Variants in PRKN observed in about 807,000 individuals in gnomAD.
The protein encoded by PRKN is E3 ubiquitin-protein ligase parkin.
A neutral mutation model predicts 59.5 loss-of-function variants in PRKN; 56 were observed. The ratio of observed to expected loss-of-function variants is 0.94; its 90% CI spans 0.76 to 1.18. PRKN has a LOEUF of 1.18. PRKN is among the 50% of genes most tolerant of loss of function. The pLI, the probability that PRKN is intolerant of heterozygous loss-of-function variation, is 0.00. For synonymous variants in PRKN, 250 were observed against 222.1 expected, an observed-to-expected ratio of 1.13 and a Z score of -1.12; for missense variants, 657 against 596.4, an observed-to-expected ratio of 1.10 and a Z score of -1.06.
chr6:161,362,994 C>G lies in PRKN; in HGVS notation c.1168-2789G>C, dbSNP rs913677705. 1.3e-5 allele frequency among the ~76,000 whole-genome samples: 2 copies of G among 152,186 alleles called. No homozygotes were observed. Among genetic ancestry groups the G allele is most frequent in the African/African-American group, 4.8e-5 (2 of 41,430 alleles). On this transcript the variant is annotated intron_variant, in intron 10 of 11. Coordinates refer to ENST00000366898, the MANE Select transcript of PRKN (RefSeq NM_004562.3). The surrounding 1 kb of genome is among the most constrained non-coding windows in gnomAD (Gnocchi z 5.2). ...TGGTGGCTCACACCTGTAATCCCAG[C>G]ACTTTGGGAGGCTGAGGCAGGTGGA...
intron 6 of PRKN, among the ~76,000 whole-genome samples, chr6:161,873,811 G>GC (rs201207740): frequency 0.037 from 5,526 of 147,506 alleles, 352 homozygotes; most frequent in African/African-American, 0.13. Context: ...TTTCCTAGAG[G>GC]CTTGCGATTA....
intron 1 of PRKN, among the ~76,000 whole-genome samples, chr6:162,487,434 C>A (rs1318972809): frequency 2.0e-5 from 3 of 152,202 alleles, no homozygotes; most frequent in African/African-American, 7.2e-5. Context: ...CCAGGAGAGC[C>A]TGCACGCGTG....
At chr6:162,603,449 C>T (rs886523444) in intron 1 of PRKN, among the ~76,000 whole-genome samples, 21 of 152,160 alleles carry the variant, frequency 1.4e-4, no homozygotes, top group African/African-American at 2.9e-4. Flanking sequence ...CAGTCCCACC[C>T]GTTCATTTAC....
At chr6:162,316,070 T>A (rs1209029077) in intron 2 of PRKN, among the ~76,000 whole-genome samples, 2 of 152,028 alleles carry the variant, frequency 1.3e-5, no homozygotes, top group African/African-American at 4.8e-5. Flanking sequence ...TCAGGTTCTA[T>A]GATGTCCTGG....
chr6:162,707,576 ATTTT>A (rs11353881), intron 1 of PRKN, among the ~76,000 whole-genome samples: 1 of 140,596 alleles, frequency 7.1e-6, no homozygotes, highest in Non-Finnish European at 1.5e-5. Context: ...CAGCATCACT[ATTTT>A]TTTTTTTTTT....
chr6:162,098,556 A>T (rs1467675969), intron 4 of PRKN, among the ~76,000 whole-genome samples: 1 of 152,212 alleles, frequency 6.6e-6, no homozygotes, highest in East Asian at 1.9e-4. Flanking sequence ...TACATCTCTC[A>T]ATATCTTCAT....
Position 162,723,143 on chromosome 6 carries a change from A to G in PRKN, c.7+4519T>C, listed in dbSNP as rs1024863984. On this transcript the variant is annotated intron_variant, in intron 1 of 11. Transcript: ENST00000366898. ...GCCAAATGGTGAAGTCGGAATATAC[A>G]TTCCTGATGGCAAGGGACTTTTTCT... 2.7e-4 allele frequency among the ~76,000 whole-genome samples: 41 copies of G among 152,314 alleles called. 1 individual carries two copies. Among genetic ancestry groups the G allele is most frequent in the Admixed American group, 2.0e-3 (30 of 15,276 alleles).
chr6:162,223,141 GAA>G (rs1486536159), intron 3 of PRKN, among the ~76,000 whole-genome samples: 2 of 151,868 alleles, frequency 1.3e-5, no homozygotes, highest in Admixed American at 1.3e-4. Context: ...AGTTTACTGA[GAA>G]TGATGATTTC....
At chr6:161,916,040 G>T (rs535063126) in intron 6 of PRKN, among the ~76,000 whole-genome samples, 1 of 152,166 alleles carries the variant, frequency 6.6e-6, no homozygotes, top group Non-Finnish European at 1.5e-5. Context: ...TGAAAAAAAA[G>T]CATTATCCCT....
chr6:161,675,312 G>T (rs1299720313), intron 7 of PRKN, among the ~76,000 whole-genome samples: 1 of 152,146 alleles, frequency 6.6e-6, no homozygotes, highest in African/African-American at 2.4e-5. Context: ...ACTAACTACG[G>T]TCACATAAGG....
chr6:161,734,605 A>G (rs1787889735), intron 7 of PRKN, among the ~76,000 whole-genome samples: 2 of 152,162 alleles, frequency 1.3e-5, no homozygotes, highest in Admixed American at 6.5e-5. Flanking sequence ...GGCAATAGAA[A>G]ATGAATACAG....
chr6:162,487,828 C>T (rs1422787501), intron 1 of PRKN, among the ~76,000 whole-genome samples: 2 of 152,118 alleles, frequency 1.3e-5, no homozygotes, highest in East Asian at 3.9e-4. Context: ...CTAATCCCAA[C>T]ACTTTGGGAG....
At position 161,401,468 on chromosome 6, in the gene PRKN, C is replaced by T. The variant is rs757092625; in HGVS notation, c.1084-14591G>A. On this transcript the variant is annotated intron_variant, in intron 9 of 11. Coordinates refer to ENST00000366898, the MANE Select transcript of PRKN (RefSeq NM_004562.3). This position sits in a 1 kb window ranked among gnomAD's most constrained non-coding sequence, Gnocchi z 4.4. ...TCTACTAAAAATACAAAAACGTTAG[C>T]TGGGCGTGGTGGTGGACGCCTGTAA... is the stretch of plus-strand genomic sequence containing the variant. Among the ~76,000 whole-genome samples, 1 of 152,008 alleles carries T rather than the reference C, an allele frequency of 6.6e-6. No individual in the cohort carries two copies. The highest frequency in any genetic ancestry group is 1.5e-5 in the Non-Finnish European group (1 of 68,016).
At chr6:162,447,138 T>C (rs972111424) in intron 1 of PRKN, among the ~76,000 whole-genome samples, 13 of 152,202 alleles carry the variant, frequency 8.5e-5, no homozygotes, top group African/African-American at 3.1e-4. Flanking sequence ...CCTATCCTCC[T>C]AGTGCTGGGC....
rs1781747580 is a variant in PRKN, at chr6:161,592,128, T to C, written c.872-22712A>G. On this transcript the variant is annotated intron_variant, in intron 7 of 11. Coordinates refer to ENST00000366898, the MANE Select transcript of PRKN (RefSeq NM_004562.3). The surrounding 1 kb of genome is among the most constrained non-coding windows in gnomAD (Gnocchi z 4.8). ...ATAGTTGTTATATTGCAATTTTATT[T>C]GTATTATTTTTATCGTTGTGTCATT... Among the ~76,000 whole-genome samples the C allele has an allele frequency of 6.6e-6, 1 of 152,228 alleles. No homozygotes were observed. Among genetic ancestry groups the C allele is most frequent in the Non-Finnish European group, 1.5e-5 (1 of 68,036 alleles).
chr6:161,455,088 G>C (rs546524428), intron 9 of PRKN, among the ~76,000 whole-genome samples: 59 of 151,510 alleles, frequency 3.9e-4, no homozygotes, highest in Middle Eastern at 3.4e-3. Flanking sequence ...GCCCAGGCTG[G>C]AGTGCAGTGG....
chr6:161,962,476 C>T (rs910081290), intron 6 of PRKN, among the ~76,000 whole-genome samples: 1 of 150,860 alleles, frequency 6.6e-6, no homozygotes, highest in South Asian at 2.1e-4. Flanking sequence ...GGACCTTAAA[C>T]ACAAAGCTTA....
intron 2 of PRKN, among the ~76,000 whole-genome samples, chr6:162,286,110 A>C (rs1562641411): frequency 6.6e-6 from 1 of 152,164 alleles, no homozygotes; most frequent in Admixed American, 6.5e-5. Flanking sequence ...GCACAGCCAA[A>C]ATTTTAAAAT....
At chr6:161,909,645 C>T (rs1235434223) in intron 6 of PRKN, among the ~76,000 whole-genome samples, 2 of 152,098 alleles carry the variant, frequency 1.3e-5, no homozygotes, top group African/African-American at 2.4e-5. Context: ...CTTAGGCTTT[C>T]GGGACATGTG....
Sources: gnomAD v4.1 joint callset for allele counts (sites outside exome capture counted in the v4.1 genomes callset) on GRCh38, gnomAD v4.1.1 for gene constraint, Gnocchi (gnomAD v3.1) non-coding constraint, MANE v1.5 for transcripts, NCBI Gene and HGNC (gene_info 2026-07-23, HGNC 2026-07-21) for gene names.